The following SMAD9 variants were observed in gnomAD, a reference collection of about 807,000 sequenced individuals.
The protein encoded by SMAD9 is SMAD family member 9, also known as MAD homolog 9.
Under a neutral mutation model 46.1 loss-of-function variants are expected in SMAD9, and 36 were observed. The observed-to-expected ratio is 0.78, with a 90% CI of 0.60 to 1.03. The LOEUF (loss-of-function observed/expected upper bound fraction) is 1.03, where lower values mean the gene tolerates loss of function less well. SMAD9 is among the 50% of genes least tolerant of loss of function. The probability of loss-of-function intolerance (pLI) is 0.00; values close to 1 mark genes in which losing one functional copy is unlikely to be tolerated. For synonymous variants in SMAD9, 245 were observed against 237.1 expected, an observed-to-expected ratio of 1.03 and a Z score of -0.31; for missense variants, 572 against 599.8, an observed-to-expected ratio of 0.95 and a Z score of 0.48.
chr13:36,869,666 T>C (rs979553471), intron 3 of SMAD9, among the ~76,000 whole-genome samples: 9 of 152,030 alleles, frequency 5.9e-5, no homozygotes, highest in Non-Finnish European at 1.2e-4. Flanking sequence ...CCGTCTCTAC[T>C]AAATACAAAA....
intron 3 of SMAD9, among the ~76,000 whole-genome samples, chr13:36,871,069 C>G (rs954446687): frequency 2.0e-5 from 3 of 152,194 alleles, no homozygotes; most frequent in Non-Finnish European, 2.9e-5. Context: ...CCTCTGGTAG[C>G]TGAAACCTCA....
chr13:36,909,063 GT>G (rs772395011), intron 1 of SMAD9, among the ~76,000 whole-genome samples: 2 of 152,134 alleles, frequency 1.3e-5, no homozygotes, highest in Admixed American at 6.6e-5. Context: ...CACTCGTACA[GT>G]TTTTTTGGCT....
At chr13:36,852,351 G>A (rs948487641) in intron 6 of SMAD9, 4 of 985,028 alleles carry the variant, frequency 4.1e-6, no homozygotes, top group African/African-American at 3.5e-5. Flanking sequence ...CACATACCCC[G>A]ATACTTTGAT....
At chr13:36,901,431 CT>C (rs61512254) in intron 1 of SMAD9, among the ~76,000 whole-genome samples, 31,584 of 138,556 alleles carry the variant, frequency 0.23, 3,126 homozygotes, top group African/African-American at 0.26. Context: ...TTTTTTGGGC[CT>C]TTTTTTTTTT....
At chr13:36,852,009 C>T (rs1455931113) in intron 6 of SMAD9, 103 of 982,448 alleles carry the variant, frequency 1.0e-4, no homozygotes, top group Non-Finnish European at 1.2e-4. Context: ...TGCCCTCTGC[C>T]GTTTCTAAAG....
intron 5 of SMAD9, among the ~76,000 whole-genome samples, chr13:36,856,964 G>A (rs1050535500): frequency 3.4e-4 from 52 of 151,976 alleles, no homozygotes; most frequent in African/African-American, 1.2e-3. Context: ...CACCACACCT[G>A]GCTAATTTTT....
chr13:36,907,468 G>A (rs1292334651), intron 1 of SMAD9, among the ~76,000 whole-genome samples: 1 of 152,186 alleles, frequency 6.6e-6, no homozygotes, highest in East Asian at 1.9e-4. Context: ...AGAAGTACAA[G>A]ACTAGCTTGG....
At chr13:36,856,392 G>T (rs748576306) in intron 5 of SMAD9, among the ~76,000 whole-genome samples, 2 of 152,154 alleles carry the variant, frequency 1.3e-5, no homozygotes, top group Non-Finnish European at 2.9e-5. Flanking sequence ...TCCTGTTCAG[G>T]TCATCTGCAA....
At chr13:36,906,078 G>A (rs2058618059) in intron 1 of SMAD9, among the ~76,000 whole-genome samples, 1 of 152,098 alleles carries the variant, frequency 6.6e-6, no homozygotes, top group Admixed American at 6.6e-5. Flanking sequence ...AGGAATGGCA[G>A]CTAATTTTTC....
At chr13:36,855,143 T>C (rs1357895946) in intron 5 of SMAD9, among the ~76,000 whole-genome samples, 3 of 146,256 alleles carry the variant, frequency 2.1e-5, no homozygotes, top group Non-Finnish European at 4.5e-5. Flanking sequence ...TAAGTGGACA[T>C]GGGGACACAC....
Position 36,879,271 on chromosome 13 carries a change from G to T in SMAD9, c.412+7C>A. The T allele has an allele frequency of 6.2e-7, 1 of 1,613,352 alleles. No individual in the cohort carries two copies. Among genetic ancestry groups the T allele is most frequent in the South Asian group, 1.1e-5 (1 of 90,984 alleles). On this transcript the variant is annotated splice_region_variant and intron_variant, in intron 2 of 6. Coordinates refer to ENST00000379826, the MANE Select transcript of SMAD9 (RefSeq NM_001127217.3). ...AAATAAACCTTGACGTCGTAAAGAC[G>T]ACCCACCTGGAGTCTCCACCCGGCG... is the stretch of plus-strand genomic sequence containing the variant.
At chr13:36,887,040 G>GTTTTT (rs200264324) in intron 1 of SMAD9, among the ~76,000 whole-genome samples, 1,185 of 102,536 alleles carry the variant, frequency 0.012, 1 homozygote, top group Middle Eastern at 0.028. Context: ...CTTTGAATGG[G>GTTTTT]TTTTTTTTTT....
intron 6 of SMAD9, among the ~76,000 whole-genome samples, chr13:36,849,103 T>C (rs2058055044): frequency 6.6e-6 from 1 of 152,114 alleles, no homozygotes; most frequent in Non-Finnish European, 1.5e-5. Flanking sequence ...CACTGAAAAA[T>C]CATTTTCCCT....
Position 36,856,798 on chromosome 13 carries a change from CT to C in SMAD9, c.1004-3124del, listed in dbSNP as rs34107763. ...CCAGGGTGAGGCCGGGTGACCTGCA[CT>C]TTTTTTTTTTTTTTTTTTTGAGATG... On this transcript the variant is annotated intron_variant, in intron 5 of 6. Transcript: ENST00000379826. Among the ~76,000 whole-genome samples, 510 of 123,406 alleles carry C rather than the reference CT, an allele frequency of 4.1e-3. 2 individuals are homozygous for C. Among genetic ancestry groups the C allele is most frequent in the Non-Finnish European group, 5.3e-3 (323 of 60,580 alleles). 81.0% of individuals were successfully genotyped at this position (123,406 alleles called of 152,430 possible).
At chr13:36,850,108 T>G (rs936377804) in intron 6 of SMAD9, 4 of 152,336 alleles carry the variant, frequency 2.6e-5, no homozygotes, top group African/African-American at 9.6e-5. Flanking sequence ...AACAAAACTT[T>G]TCTTGTCAAG....
upstream of SMAD9, chr13:36,920,582 G>T (rs544095117): frequency 1.1e-4 from 16 of 152,212 alleles, no homozygotes; most frequent in African/African-American, 3.6e-4. Context: ...CGGGGGTGGG[G>T]TGGGAGCCCT....
intron 1 of SMAD9, among the ~76,000 whole-genome samples, chr13:36,895,431 G>A (rs1289611834): frequency 1.3e-5 from 2 of 152,144 alleles, no homozygotes; most frequent in African/African-American, 2.4e-5. Flanking sequence ...GTGCGTTACA[G>A]GGTGTTTAGC....
Position 36,879,600 on chromosome 13 carries a change from CTCT to C in SMAD9, c.87_89del (p.Glu31del), listed in dbSNP as rs756629084. 2.5e-6 allele frequency: 4 copies of C among 1,614,126 alleles called. No individual in the cohort carries two copies. Among genetic ancestry groups the C allele is most frequent in the Non-Finnish European group, 3.4e-6 (4 of 1,180,060 alleles). ...CCACTGCCTTCTCTGCCCACTTTTC[CTCT>C]TCATCTCCTTGCTTCCAGCCTAGCA... On this transcript the variant is annotated inframe_deletion, in exon 2 of 7. Coordinates refer to ENST00000379826, the MANE Select transcript of SMAD9 (RefSeq NM_001127217.3).
chr13:36,895,912 C>A (rs1247538158), intron 1 of SMAD9, among the ~76,000 whole-genome samples: 1 of 152,058 alleles, frequency 6.6e-6, no homozygotes, highest in Non-Finnish European at 1.5e-5. Context: ...TCCACCTAAG[C>A]AGAGACTTAA....
Sources: allele counts gnomAD v4.1 joint callset (sites outside exome capture counted in the v4.1 genomes callset), GRCh38; gene constraint gnomAD v4.1.1; transcripts MANE v1.5; gene names NCBI Gene and HGNC (gene_info 2026-07-23, HGNC 2026-07-21).